The following MED1 variants were observed in gnomAD, a reference collection of about 807,000 sequenced individuals.
MED1 encodes the protein mediator of RNA polymerase II transcription subunit 1.
A neutral mutation model predicts 121.3 loss-of-function variants in MED1; 17 were observed. That is an observed-to-expected ratio of 0.14 (90% CI 0.10 to 0.21). The LOEUF (loss-of-function observed/expected upper bound fraction) is 0.21. Among genes scored for constraint, MED1 ranks in the 10% least tolerant of loss-of-function variants. The pLI is 1.00. For missense variants in MED1, 1,558 were observed against 1,919.4 expected, an observed-to-expected ratio of 0.81 and a Z score of 3.52; for synonymous variants, 661 against 694.4, an observed-to-expected ratio of 0.95 and a Z score of 0.76.
intron 14 of MED1, among the ~76,000 whole-genome samples, chr17:39,417,329 CA>C (rs34616503): frequency 2.1e-4 from 29 of 138,240 alleles, no homozygotes; most frequent in Non-Finnish European, 2.2e-4. Context: ...GACTCCGTCT[CA>C]AAAAAAAAAA....
chr17:39,419,966 T>C (rs769802521), intron 13 of MED1, 48 bp from the exon 14 acceptor site: 1 of 1,541,834 alleles, frequency 6.5e-7, no homozygotes, highest in Non-Finnish European at 8.9e-7. Context: ...ACCTATTGTA[T>C]TCCAACCACA....
chr17:39,450,858 A>G (rs1020626578), intron 1 of MED1, among the ~76,000 whole-genome samples, 180 bp downstream of exon 1: 4 of 152,112 alleles, frequency 2.6e-5, no homozygotes, highest in Non-Finnish European at 1.5e-5. Context: ...CCATCGCCCT[A>G]AAGTCGAAGC....
intron 6 of MED1, among the ~76,000 whole-genome samples, chr17:39,436,596 A>G (rs2048621247): frequency 6.6e-6 from 1 of 152,144 alleles, no homozygotes; most frequent in African/African-American, 2.4e-5. Flanking sequence ...ACTATCTGCT[A>G]AAAGCGACTG....
intron 16 of MED1, among the ~76,000 whole-genome samples, chr17:39,413,825 A>C (rs2048378021): frequency 2.0e-5 from 3 of 146,860 alleles, no homozygotes. Flanking sequence ...TCTGTATTTT[A>C]TTATGGCTTT....
chr17:39,425,580 G>C (rs927148661), intron 10 of MED1, among the ~76,000 whole-genome samples: 8 of 152,068 alleles, frequency 5.3e-5, no homozygotes, highest in African/African-American at 1.9e-4. Context: ...GAGGCGGGTG[G>C]ATCACAAGGT....
chr17:39,433,527 C>CTATATATATATATA (rs149231162), intron 7 of MED1, among the ~76,000 whole-genome samples: 56 of 144,358 alleles, frequency 3.9e-4, no homozygotes, highest in African/African-American at 1.4e-3. Context: ...TTTTTTGTTA[C>CTATATATATATATA]TATATATATA....
At chr17:39,435,783 C>T (rs1032042367) in intron 6 of MED1, among the ~76,000 whole-genome samples, 1 of 152,116 alleles carries the variant, frequency 6.6e-6, no homozygotes, top group Non-Finnish European at 1.5e-5. Context: ...CTCACTACAA[C>T]TTCCACCTCC....
intron 13 of MED1, among the ~76,000 whole-genome samples, chr17:39,421,506 C>G (rs781598407): frequency 6.1e-5 from 9 of 148,448 alleles, no homozygotes; most frequent in Admixed American, 6.0e-4. Flanking sequence ...GCCGAGATCG[C>G]GCCACTGCAC....
Position 39,440,387 on chromosome 17 carries a change from A to T in MED1, c.398T>A (p.Val133Glu). 1 of 1,564,900 alleles carries T rather than the reference A, an allele frequency of 6.4e-7. No homozygotes were observed. The highest frequency in any genetic ancestry group is 8.6e-7 in the Non-Finnish European group (1 of 1,163,838). Residue 133 changes from valine to glutamate, a missense_variant and splice_region_variant, in exon 5 of 17, where the codon GTG (valine) becomes GAG (glutamate). Transcript: ENST00000300651. This position sits in a 1 kb window ranked among gnomAD's most constrained non-coding sequence, Gnocchi z 4.1. ...CAGTGAAATATCAACAACACATACCACAGGATTCTCCCCATGGTGAGCCAC... is the reference window on the plus strand; with the variant it reads ...CAGTGAAATATCAACAACACATACCTCAGGATTCTCCCCATGGTGAGCCAC... Reference protein sequence around the residue: ...VKVAHHGENPVSCPELVQQLR... With the variant: ...VKVAHHGENPESCPELVQQLR...
chr17:39,440,789 C>T lies in MED1; in HGVS notation c.212-112G>A. 2 of 1,014,384 alleles carry T rather than the reference C, an allele frequency of 2.0e-6. No homozygotes were observed. The highest frequency in any genetic ancestry group is 2.9e-5 in the South Asian group (2 of 69,562). The allele number at this position is 1,014,384 out of a possible 1,614,324, so 62.8% of individuals were successfully genotyped here. ...AAAACCGTAAACATATTCAGTAGTT[C>T]AAATGCTTGTAATTTACATAAAGTT... On this transcript the variant is annotated intron_variant, in intron 3 of 16. Coordinates refer to ENST00000300651, the MANE Select transcript of MED1 (RefSeq NM_004774.4). This position sits in a 1 kb window ranked among gnomAD's most constrained non-coding sequence, Gnocchi z 4.1.
At chr17:39,437,678 T>A (rs1052565357) in intron 6 of MED1, among the ~76,000 whole-genome samples, 2 of 152,062 alleles carry the variant, frequency 1.3e-5, no homozygotes, top group Non-Finnish European at 2.9e-5. Flanking sequence ...CTCATGCCTA[T>A]AATCCCAGCA....
intron 6 of MED1, among the ~76,000 whole-genome samples, chr17:39,436,947 T>C (rs903948546): frequency 2.0e-5 from 3 of 151,894 alleles, no homozygotes; most frequent in Admixed American, 6.6e-5. Flanking sequence ...TTTTTTTTTT[T>C]TTGAGACAGA....
At chr17:39,418,654 T>C (rs2048433232) in intron 14 of MED1, among the ~76,000 whole-genome samples, 1 of 152,164 alleles carries the variant, frequency 6.6e-6, no homozygotes, top group African/African-American at 2.4e-5. Context: ...GTTAAGAACA[T>C]TGCAAAAAGC....
chr17:39,413,059 C>T (rs1344130423), intron 16 of MED1, among the ~76,000 whole-genome samples: 1 of 152,068 alleles, frequency 6.6e-6, no homozygotes, highest in Non-Finnish European at 1.5e-5. Flanking sequence ...GCTTAACTAT[C>T]ACGTAACAAT....
Position 39,427,758 on chromosome 17 carries a change from G to A in MED1, c.682C>T (p.Pro228Ser), listed in dbSNP as rs778082442. 22 of 1,604,154 alleles carry A rather than the reference G, an allele frequency of 1.4e-5. No homozygotes were observed. The highest frequency in any genetic ancestry group is 1.1e-4 in the East Asian group (5 of 44,802). Residue 228 changes from proline (P) to serine (S), a missense_variant, in exon 10 of 17, where the codon CCT becomes TCT. This residue lies in a region of MED1 where 443 missense variants were observed against 532.4 expected (regional missense o/e 0.83). Coordinates refer to ENST00000300651, the MANE Select transcript of MED1 (RefSeq NM_004774.4). ...GTCTTGTCATCCAGTAGGTCAGAAG[G>A]AGAGACATAGTACTTCAGGTTCATT... ...HLMNLKYYVS[P>S]SDLLDDKTAS...
chr17:39,426,904 A>G (rs1285744280), intron 10 of MED1, among the ~76,000 whole-genome samples: 1 of 151,426 alleles, frequency 6.6e-6, no homozygotes, highest in African/African-American at 2.4e-5. Context: ...TAGTTCTTTA[A>G]TTTAGAAAAC....
At position 39,406,438 on chromosome 17, in the gene MED1, T is replaced by C; in HGVS notation, c.*1037A>G. On this transcript the variant is annotated 3_prime_UTR_variant, in exon 17 of 17. Transcript: ENST00000300651. The stretch of plus-strand genomic sequence containing the variant: ...GCTGGGATGCAGACTTTTGGCACAT[T>C]GTGGAAGTAGGAGAACTATTAATCC... The C allele has an allele frequency of 1.0e-6, 1 of 985,416 alleles. No individual in the cohort carries two copies. The highest frequency in any genetic ancestry group is 1.2e-6 in the Non-Finnish European group (1 of 829,926). The allele number at this position is 985,416 out of a possible 1,614,324, so 61.0% of individuals were successfully genotyped here.
At position 39,405,570 on chromosome 17, in the gene MED1, T is replaced by A. The variant is rs1006581254; in HGVS notation, c.*1905A>T. 3.1e-6 allele frequency: 4 copies of A among 1,305,394 alleles called. No homozygotes were observed. The African/African-American group carries it at 6.0e-5, about 19-fold the overall frequency. The allele number at this position is 1,305,394 out of a possible 1,614,324, so 80.9% of individuals were successfully genotyped here. On this transcript the variant is annotated 3_prime_UTR_variant, in exon 17 of 17. Transcript: ENST00000300651. ...CTGAGAGGCTGCTACTGTATCAACA[T>A]CACAAGATAAAGCACTCTGGTATCA...
At chr17:39,429,347 G>T (rs2048543211) in intron 9 of MED1, among the ~76,000 whole-genome samples, 1 of 152,188 alleles carries the variant, frequency 6.6e-6, no homozygotes. Context: ...GCAAGGCTCT[G>T]TCTCAAAAAG....
Sources: allele counts gnomAD v4.1 joint callset (sites outside exome capture counted in the v4.1 genomes callset), GRCh38; gene constraint gnomAD v4.1.1; regional missense constraint gnomAD v4.1.1; non-coding constraint Gnocchi (gnomAD v3.1); transcripts MANE v1.5; gene names NCBI Gene and HGNC (gene_info 2026-07-23, HGNC 2026-07-21).